KANSL1L: variants seen among roughly 807,000 people sequenced by gnomAD.
KANSL1L encodes the protein KAT8 regulatory NSL complex subunit 1 like, also known as KAT8 regulatory NSL complex subunit 1-like protein.
Under a neutral mutation model 108.6 loss-of-function variants are expected in KANSL1L, and 25 were observed. That is an observed-to-expected ratio of 0.23 (90% CI 0.17 to 0.32). The LOEUF (loss-of-function observed/expected upper bound fraction) is 0.32, where lower values mean the gene tolerates loss of function less well. Ranked by LOEUF, KANSL1L falls within the 10% of genes least tolerant of loss-of-function variation. KANSL1L has a pLI of 1.00. For missense variants in KANSL1L, 1,137 were observed against 1,125.7 expected (o/e 1.01, Z -0.14); for synonymous variants, 405 against 395.1 (o/e 1.03, Z -0.30).
intron 13 of KANSL1L, among the ~76,000 whole-genome samples, chr2:210,024,871 T>C (rs186296774): frequency 3.9e-5 from 6 of 152,338 alleles, no homozygotes; most frequent in Non-Finnish European, 8.8e-5. Flanking sequence ...AATCCATTCC[T>C]GAGGCTGACA....
At position 210,028,885 on chromosome 2, in the gene KANSL1L, T is replaced by C. The variant is rs1243570331; in HGVS notation, c.2356A>G (p.Lys786Glu). Residue 786 changes from lysine to glutamate, a missense_variant, in exon 11 of 15, where the codon AAA (lysine) becomes GAA (glutamate). Lys to Glu is a moderately conservative substitution (Grantham distance 56). Coordinates refer to ENST00000281772, the MANE Select transcript of KANSL1L (RefSeq NM_152519.4). ...TCCTTATATTGGAGTTTCTCTAATT[T>C]AGCTGGGGCTACTAATGACATGGGA... ...VIPMSLVAPA[K>E]LEKLQYKEIL... 2 of 1,600,090 alleles carry C rather than the reference T, an allele frequency of 1.2e-6. No individual in the cohort carries two copies. Among genetic ancestry groups the C allele is most frequent in the African/African-American group, 2.7e-5 (2 of 74,672 alleles).
chr2:210,056,758 C>A (rs1015758679), intron 6 of KANSL1L, among the ~76,000 whole-genome samples: 4 of 152,092 alleles, frequency 2.6e-5, no homozygotes, highest in Non-Finnish European at 4.4e-5. Context: ...GGATTACAGC[C>A]ATGAGCCATC....
At chr2:210,047,066 C>CA (rs1486183122) in intron 6 of KANSL1L, among the ~76,000 whole-genome samples, 1 of 150,294 alleles carries the variant, frequency 6.7e-6, no homozygotes, top group Non-Finnish European at 1.5e-5. Context: ...CTGGGAGGGG[C>CA]AGCCTCCATT....
intron 3 of KANSL1L, among the ~76,000 whole-genome samples, chr2:210,112,486 A>C (rs1480322179): frequency 6.6e-6 from 1 of 152,232 alleles, no homozygotes; most frequent in Non-Finnish European, 1.5e-5. Flanking sequence ...CTAGAATTTA[A>C]CACCAAAGTA....
rs776454249 is a variant in KANSL1L at position 210,031,507 on chromosome 2, G to A, written c.2069C>T (p.Pro690Leu). 3 of 1,555,652 alleles carry A rather than the reference G, an allele frequency of 1.9e-6. No individual in the cohort carries two copies. In the South Asian group the frequency reaches 3.4e-5, roughly 18 times the overall value. Residue 690 changes from proline (P) to leucine (L), a missense_variant, in exon 9 of 15, where the codon CCT becomes CTT. Physicochemically the swap from Pro to Leu is moderately conservative, Grantham distance 98. Coordinates refer to ENST00000281772, the MANE Select transcript of KANSL1L (RefSeq NM_152519.4). Reference sequence around the variant, plus strand: ...TGACCTTATTTGAGGCTTACATATAGGTGAATATCCATTTCTCCATTGATT... The same window carrying A: ...TGACCTTATTTGAGGCTTACATATAAGTGAATATCCATTTCTCCATTGATT... ...TLNQWRNGYS[P>L]ICKPQIRSES...
intron 5 of KANSL1L, among the ~76,000 whole-genome samples, chr2:210,080,900 A>T (rs1240811598): frequency 6.6e-6 from 1 of 151,794 alleles, no homozygotes; most frequent in Non-Finnish European, 1.5e-5. Context: ...TGGGGCCAGG[A>T]GTTTGAGACC....
chr2:210,170,310 GGGGAA>G, intron 1 of KANSL1L: 1 of 961,322 alleles, frequency 1.0e-6, no homozygotes, highest in South Asian at 4.8e-5. Context: ...CCTGAAGTTT[GGGGAA>G]TCAAAAACGG....
rs771410673 is a variant in KANSL1L at position 210,075,768 on chromosome 2, T to G, written c.1551-12A>C. 1 of 1,601,022 alleles carries G rather than the reference T, an allele frequency of 6.2e-7. No individual in the cohort carries two copies. Among genetic ancestry groups the G allele is most frequent in the Non-Finnish European group, 8.6e-7 (1 of 1,168,744 alleles). On this transcript the variant is annotated splice_polypyrimidine_tract_variant and intron_variant, in intron 5 of 14. Coordinates refer to ENST00000281772, the MANE Select transcript of KANSL1L (RefSeq NM_152519.4). ...AATTCTCTGATGCACTGAAATGCCA[T>G]GAAATAATTAGGGCGTGGGAAGGGA...
At chr2:210,082,273 C>T (rs972306219) in intron 5 of KANSL1L, among the ~76,000 whole-genome samples, 8 of 152,182 alleles carry the variant, frequency 5.3e-5, no homozygotes, top group Admixed American at 3.3e-4. Context: ...AGAAAGATTA[C>T]AACATGATAG....
intron 5 of KANSL1L, among the ~76,000 whole-genome samples, chr2:210,077,810 C>G (rs2094553042): frequency 6.6e-6 from 1 of 152,200 alleles, no homozygotes; most frequent in Non-Finnish European, 1.5e-5. Context: ...CCATGGAAGG[C>G]TTAGCCCAAA....
At chr2:210,071,844 T>C (rs1305507787) in intron 6 of KANSL1L, among the ~76,000 whole-genome samples, 2 of 152,176 alleles carry the variant, frequency 1.3e-5, no homozygotes, top group Non-Finnish European at 2.9e-5. Flanking sequence ...GTTTTTGCTT[T>C]TCAATATTTT....
intron 6 of KANSL1L, among the ~76,000 whole-genome samples, chr2:210,050,571 G>T (rs1349526815): frequency 6.6e-6 from 1 of 151,664 alleles, no homozygotes; most frequent in Non-Finnish European, 1.5e-5. Flanking sequence ...AAACTTTGAA[G>T]AGTGGCAGGT....
Position 210,075,613 on chromosome 2 carries a change from A to G in KANSL1L, c.1694T>C (p.Leu565Pro). The part of the protein sequence containing the change: ...FMSTSARTRP[L>P]QSFHKRKLYR... ...CAGTTTTCGTTTGTGGAAACTCTGA[A>G]GTGGCCTTGTTCGGGCTGATGTACT... Residue 565 changes from leucine to proline, a missense_variant, in exon 6 of 15, where the codon CTT (leucine) becomes CCT (proline). Transcript: ENST00000281772. 1 of 1,614,110 alleles carries G rather than the reference A, an allele frequency of 6.2e-7. No homozygotes were observed. The highest frequency in any genetic ancestry group is 8.5e-7 in the Non-Finnish European group (1 of 1,179,972).
intron 6 of KANSL1L, among the ~76,000 whole-genome samples, chr2:210,054,629 C>G (rs983861978): frequency 1.3e-5 from 2 of 152,120 alleles, no homozygotes. Context: ...GAAAAACTCA[C>G]AGTTTATATC....
rs779731992 is a variant in KANSL1L, at chr2:210,154,460, C to T, written c.123G>A (p.Lys41=). The T allele has an allele frequency of 6.2e-6, 10 of 1,613,440 alleles. No homozygotes were observed. Among genetic ancestry groups the T allele is most frequent in the Non-Finnish European group, 8.5e-6 (10 of 1,179,738 alleles). The stretch of plus-strand genomic sequence containing the variant: ...CAAGCATCTGAGAAAAGGTGTCTCC[C>T]TTTAGCTTTTCATCTACAGTTCTGG... ...ESPRTVDEKL[K]GDTFSQMLGF... is the part of the protein sequence containing the mutation. The change falls in exon 2 of 15, where the codon AAG becomes AAA. Residue 41 remains lysine, a synonymous_variant. Coordinates refer to ENST00000281772, the MANE Select transcript of KANSL1L (RefSeq NM_152519.4).
At chr2:210,088,262 G>A (rs2094657795) in intron 5 of KANSL1L, 1 of 152,358 alleles carries the variant, frequency 6.6e-6, no homozygotes, top group African/African-American at 2.4e-5. Context: ...GGATACTAAG[G>A]AGAAGAAGCC....
intron 7 of KANSL1L, among the ~76,000 whole-genome samples, chr2:210,041,768 T>C (rs533969776): frequency 1.3e-4 from 20 of 152,266 alleles, no homozygotes; most frequent in African/African-American, 4.6e-4. Flanking sequence ...CAGAAAAAAA[T>C]GATCTCTTCT....
chr2:210,114,907 C>T (rs2094939938), intron 3 of KANSL1L, among the ~76,000 whole-genome samples: 1 of 151,416 alleles, frequency 6.6e-6, no homozygotes, highest in Non-Finnish European at 1.5e-5. Context: ...ATGTAATCCC[C>T]ATAGGCAACC....
chr2:210,121,698 T>A (rs558876657), intron 3 of KANSL1L, among the ~76,000 whole-genome samples: 90 of 152,076 alleles, frequency 5.9e-4, no homozygotes, highest in African/African-American at 2.0e-3. Context: ...GCAAATTTTT[T>A]AAAAAAGAAA....
Sources: gnomAD v4.1 joint callset for allele counts (sites outside exome capture counted in the v4.1 genomes callset) on GRCh38, gnomAD v4.1.1 for gene constraint, MANE v1.5 for transcripts, NCBI Gene and HGNC (gene_info 2026-07-23, HGNC 2026-07-21) for gene names.